The following PSD3 variants were observed in gnomAD, a reference collection of about 807,000 sequenced individuals.
PSD3 encodes the protein pleckstrin and Sec7 domain containing 3, also known as PH and SEC7 domain-containing protein 3.
In PSD3, 49 loss-of-function variants were observed where a neutral mutation model predicts 105.5. That is an observed-to-expected ratio of 0.46 (90% CI 0.37 to 0.59). PSD3 has a LOEUF of 0.59. PSD3 is among the 20% of genes least tolerant of loss of function. The pLI is 0.00. For synonymous variants in PSD3, 557 were observed against 457.8 expected, an observed-to-expected ratio of 1.22 and a Z score of -2.77; for missense variants, 1,561 against 1,263.8, an observed-to-expected ratio of 1.24 and a Z score of -3.57.
At chr8:18,826,251 C>A (rs905933790) in intron 4 of PSD3, among the ~76,000 whole-genome samples, 3 of 152,214 alleles carry the variant, frequency 2.0e-5, no homozygotes, top group Admixed American at 6.5e-5. Flanking sequence ...GGGTCTCCAG[C>A]TCGCAGATGG....
chr8:19,028,888 T>C (rs1042793204), intron 1 of PSD3, among the ~76,000 whole-genome samples: 1 of 152,210 alleles, frequency 6.6e-6, no homozygotes, highest in Non-Finnish European at 1.5e-5. Flanking sequence ...GAGTTTCCTC[T>C]CTTCCCAGAT....
At chr8:19,009,845 C>A (rs907679015) in intron 1 of PSD3, among the ~76,000 whole-genome samples, 1 of 152,032 alleles carries the variant, frequency 6.6e-6, no homozygotes, top group Non-Finnish European at 1.5e-5. Context: ...GAGCTGAGAT[C>A]GCACCATTGC....
chr8:19,074,097 A>G (rs1431008250), intron 1 of PSD3, among the ~76,000 whole-genome samples: 1 of 152,074 alleles, frequency 6.6e-6, no homozygotes, highest in Admixed American at 6.5e-5. Flanking sequence ...GCAGCCCAGA[A>G]TTGTTTATGT....
At chr8:18,950,082 CTATT>C (rs1014880777) in intron 1 of PSD3, among the ~76,000 whole-genome samples, 4 of 152,044 alleles carry the variant, frequency 2.6e-5, no homozygotes, top group African/African-American at 9.7e-5. Flanking sequence ...CCAATAGCAC[CTATT>C]TAAACTATAG....
chr8:18,833,745 C>T (rs903008553), intron 4 of PSD3, among the ~76,000 whole-genome samples: 8 of 151,870 alleles, frequency 5.3e-5, no homozygotes, highest in African/African-American at 1.7e-4. Context: ...TTATTATCCT[C>T]ATTTTAAAAG....
At chr8:18,751,077 G>T (rs1440910362) in intron 9 of PSD3, among the ~76,000 whole-genome samples, 2 of 152,158 alleles carry the variant, frequency 1.3e-5, no homozygotes, top group Non-Finnish European at 2.9e-5. Flanking sequence ...ATGGACCTGG[G>T]CGCCGTGCAG....
At chr8:18,874,576 G>C (rs1034079706) in intron 2 of PSD3, among the ~76,000 whole-genome samples, 2 of 151,528 alleles carry the variant, frequency 1.3e-5, no homozygotes, top group African/African-American at 4.9e-5. Flanking sequence ...ACTTGATTCT[G>C]CCTGTAATCC....
rs562842544 is a variant in PSD3 at position 18,588,766 on chromosome 8, C to A, written c.2481+11598G>T. ...GTTCCCTTGTCAATACTAACCCATT[C>A]TCCATCTTGATGACTCAAACTCCCA... On this transcript the variant is annotated intron_variant, in intron 12 of 15. Coordinates refer to ENST00000327040, the MANE Select transcript of PSD3 (RefSeq NM_015310.4). 2.0e-5 allele frequency among the ~76,000 whole-genome samples: 3 copies of A among 152,296 alleles called. No individual in the cohort carries two copies. In the East Asian group the frequency reaches 5.8e-4, roughly 29 times the overall value.
At chr8:18,705,458 G>A (rs1801834358) in intron 9 of PSD3, among the ~76,000 whole-genome samples, 1 of 148,716 alleles carries the variant, frequency 6.7e-6, no homozygotes, top group Non-Finnish European at 1.5e-5. Flanking sequence ...TTGAGCTTGG[G>A]AGGCAGAGGT....
At chr8:18,731,122 G>T (rs543123273) in intron 9 of PSD3, among the ~76,000 whole-genome samples, 1 of 149,136 alleles carries the variant, frequency 6.7e-6, no homozygotes, top group South Asian at 2.2e-4. Context: ...TGGACGTGGG[G>T]GCGGGCAGCT....
At chr8:18,973,687 A>G (rs1202811242) in intron 1 of PSD3, among the ~76,000 whole-genome samples, 1 of 152,216 alleles carries the variant, frequency 6.6e-6, no homozygotes, top group African/African-American at 2.4e-5. Flanking sequence ...AGTATATGAA[A>G]GGCCATATCT....
chr8:18,831,900 A>C, intron 4 of PSD3, among the ~76,000 whole-genome samples: 1 of 136,522 alleles, frequency 7.3e-6, no homozygotes, highest in African/African-American at 2.8e-5. Context: ...AAATATAACA[A>C]AAAAAAAATA....
intron 10 of PSD3, among the ~76,000 whole-genome samples, chr8:18,641,464 A>C (rs186565140): frequency 1.3e-5 from 2 of 152,196 alleles, no homozygotes; most frequent in Non-Finnish European, 2.9e-5. Context: ...ATAAAATACT[A>C]TATGTCTCCA....
intron 10 of PSD3, among the ~76,000 whole-genome samples, chr8:18,638,650 T>A (rs1807438351): frequency 6.6e-6 from 1 of 151,710 alleles, no homozygotes; most frequent in Non-Finnish European, 1.5e-5. Flanking sequence ...GAGAAAAAAA[T>A]CCCATGTTAA....
chr8:18,971,643 A>T (rs924411235), intron 1 of PSD3, among the ~76,000 whole-genome samples: 1 of 152,194 alleles, frequency 6.6e-6, no homozygotes, highest in Non-Finnish European at 1.5e-5. Context: ...GACCTGGCAC[A>T]TAAAAAGATA....
intron 11 of PSD3, among the ~76,000 whole-genome samples, chr8:18,622,783 C>T (rs1038107692): frequency 6.6e-6 from 1 of 152,138 alleles, no homozygotes; most frequent in South Asian, 2.1e-4. Flanking sequence ...CAGGCAGCAT[C>T]TTCTGACTTC....
intron 10 of PSD3, among the ~76,000 whole-genome samples, chr8:18,640,916 G>T (rs1239559489): frequency 6.6e-6 from 1 of 152,144 alleles, no homozygotes; most frequent in African/African-American, 2.4e-5. Context: ...ACCCAGTGGG[G>T]CAGAGCTCAC....
chr8:18,718,934 C>A (rs1445938711), intron 9 of PSD3, among the ~76,000 whole-genome samples: 1 of 152,122 alleles, frequency 6.6e-6, no homozygotes, highest in Non-Finnish European at 1.5e-5. Flanking sequence ...ACATCACAGA[C>A]CTTCAGTCTC....
At chr8:18,819,496 C>G (rs1325961329) in intron 4 of PSD3, among the ~76,000 whole-genome samples, 2 of 151,036 alleles carry the variant, frequency 1.3e-5, no homozygotes, top group African/African-American at 4.9e-5. Flanking sequence ...TTTGGCAAAA[C>G]TATGTAAATA....
Sources: gnomAD v4.1 joint callset for allele counts (sites outside exome capture counted in the v4.1 genomes callset) on GRCh38, gnomAD v4.1.1 for gene constraint, MANE v1.5 for transcripts, NCBI Gene and HGNC (gene_info 2026-07-23, HGNC 2026-07-21) for gene names.